Variants in ADAMTSL3 observed in about 807,000 individuals in gnomAD.
ADAMTSL3 encodes the protein ADAMTS-like protein 3.
A neutral mutation model predicts 201.7 loss-of-function variants in ADAMTSL3; 128 were observed. The observed-to-expected ratio is 0.63, with a 90% confidence interval of 0.55 to 0.73. The LOEUF (loss-of-function observed/expected upper bound fraction) is 0.73, where lower values mean the gene tolerates loss of function less well. Ranked by LOEUF, ADAMTSL3 falls within the 30% of genes least tolerant of loss-of-function variation. The pLI is 0.00. For missense variants in ADAMTSL3, 1,990 were observed against 2,119.6 expected (o/e 0.94, Z 1.20); for synonymous variants, 738 against 748.4 (o/e 0.99, Z 0.23).
At chr15:83,849,762 T>C (rs566317805) in intron 7 of ADAMTSL3, among the ~76,000 whole-genome samples, 1 of 152,280 alleles carries the variant, frequency 6.6e-6, no homozygotes, top group Admixed American at 6.5e-5. Flanking sequence ...TTTGTATCAG[T>C]GCAAGTAGAA....
chr15:83,786,990 A>G (rs1372293115), intron 4 of ADAMTSL3, among the ~76,000 whole-genome samples: 1 of 152,214 alleles, frequency 6.6e-6, no homozygotes, highest in Non-Finnish European at 1.5e-5. Context: ...TTATTGAAGG[A>G]GTAAATAAAT....
In ADAMTSL3 at chr15:84,016,385, C is replaced by T. The variant is rs1333944021; in HGVS notation, c.4159C>T (p.Arg1387Ter). The T allele has an allele frequency of 3.7e-6, 6 of 1,611,136 alleles. No individual in the cohort carries two copies. The highest frequency in any genetic ancestry group is 1.7e-5 in the Admixed American group (1 of 59,664). ...VATSVLHLLE[R>*]RWPESRIVFL... Reference sequence around the variant, plus strand: ...GTGCTACTTTTTTTTTTCCTCAGAACGAAGATGGCCAGAGAGTAGAATCGT... The same window carrying T: ...GTGCTACTTTTTTTTTTCCTCAGAATGAAGATGGCCAGAGAGTAGAATCGT... The change falls in exon 25 of 30, where the codon CGA (arginine) becomes TGA (stop). Residue 1387 changes from arginine to a stop codon, truncating the protein, a stop_gained and splice_region_variant. Coordinates refer to ENST00000286744, the MANE Select transcript of ADAMTSL3 (RefSeq NM_207517.3). LOFTEE classifies it high-confidence loss of function.
chr15:83,685,722 T>C (rs1172010667), intron 2 of ADAMTSL3, among the ~76,000 whole-genome samples: 1 of 152,190 alleles, frequency 6.6e-6, no homozygotes, highest in Non-Finnish European at 1.5e-5. Context: ...CAGAACCTCA[T>C]TTCTTTCCCT....
intron 2 of ADAMTSL3, among the ~76,000 whole-genome samples, chr15:83,703,664 G>A (rs941298486): frequency 6.6e-6 from 1 of 152,094 alleles, no homozygotes; most frequent in Non-Finnish European, 1.5e-5. Flanking sequence ...GGCCTCCCCA[G>A]CCACGTGGAA....
intron 8 of ADAMTSL3, among the ~76,000 whole-genome samples, chr15:83,860,773 A>C (rs535146382): frequency 3.3e-5 from 5 of 152,140 alleles, no homozygotes; most frequent in Non-Finnish European, 7.4e-5. Context: ...TGCATTTCCA[A>C]CTGAGGTACC....
At chr15:84,003,920 A>G (rs1366795386) in intron 23 of ADAMTSL3, among the ~76,000 whole-genome samples, 1 of 152,194 alleles carries the variant, frequency 6.6e-6, no homozygotes, top group Admixed American at 6.5e-5. Flanking sequence ...GCACCCACAC[A>G]GGGTGGGGAC....
At chr15:83,750,540 A>G (rs975604597) in intron 3 of ADAMTSL3, among the ~76,000 whole-genome samples, 2 of 145,112 alleles carry the variant, frequency 1.4e-5, no homozygotes, top group African/African-American at 5.1e-5. Flanking sequence ...TGGTTCACAG[A>G]CAGATTTTTG....
At position 83,749,564 on chromosome 15, in the gene ADAMTSL3, G is replaced by A. The variant is rs570060889; in HGVS notation, c.190-23959G>A. Reference sequence around the variant, plus strand: ...GGTGATGTTAGAGTGTTAGTAGGACGCAGGTGGAAGGTTCTAACTGCCCAG... The same window carrying A: ...GGTGATGTTAGAGTGTTAGTAGGACACAGGTGGAAGGTTCTAACTGCCCAG... On this transcript the variant is annotated intron_variant, in intron 3 of 29. Coordinates refer to ENST00000286744, the MANE Select transcript of ADAMTSL3 (RefSeq NM_207517.3). Among the ~76,000 whole-genome samples the A allele has an allele frequency of 4.6e-5, 7 of 152,302 alleles. No individual in the cohort carries two copies. In the South Asian group the frequency reaches 6.2e-4, roughly 14 times the overall value.
intron 4 of ADAMTSL3, among the ~76,000 whole-genome samples, chr15:83,776,991 G>T (rs1021615668): frequency 9.2e-5 from 14 of 152,188 alleles, no homozygotes; most frequent in African/African-American, 3.4e-4. Context: ...AGCCTTGGTG[G>T]GCACAGAGTC....
At chr15:83,945,557 A>G (rs1446407332) in intron 19 of ADAMTSL3, among the ~76,000 whole-genome samples, 1 of 152,172 alleles carries the variant, frequency 6.6e-6, no homozygotes, top group Non-Finnish European at 1.5e-5. Flanking sequence ...GCTAGTGTGT[A>G]GGCAGTATTT....
chr15:83,887,875 G>A (rs1349572961), intron 10 of ADAMTSL3, among the ~76,000 whole-genome samples: 1 of 152,186 alleles, frequency 6.6e-6, no homozygotes, highest in Non-Finnish European at 1.5e-5. Flanking sequence ...GCAGGCGTGT[G>A]CCACCATGCT....
chr15:83,658,374 G>C (rs928751898), intron 2 of ADAMTSL3, among the ~76,000 whole-genome samples: 1 of 152,210 alleles, frequency 6.6e-6, no homozygotes. Flanking sequence ...CTCCTAAAGT[G>C]CTGGGATTAC....
intron 5 of ADAMTSL3, among the ~76,000 whole-genome samples, chr15:83,807,477 T>A (rs1019826808): frequency 6.6e-6 from 1 of 151,908 alleles, no homozygotes; most frequent in Non-Finnish European, 1.5e-5. Flanking sequence ...ATCAAAACAG[T>A]AATGAAATAA....
At chr15:83,776,393 TAAAC>T (rs1471675593) in intron 4 of ADAMTSL3, among the ~76,000 whole-genome samples, 6 of 152,112 alleles carry the variant, frequency 3.9e-5, no homozygotes, top group African/African-American at 1.2e-4. Flanking sequence ...AGACAAACAA[TAAAC>T]AAACAATCAA....
At chr15:83,673,800 A>G (rs1419672701) in intron 2 of ADAMTSL3, among the ~76,000 whole-genome samples, 1 of 152,230 alleles carries the variant, frequency 6.6e-6, no homozygotes, top group Non-Finnish European at 1.5e-5. Context: ...ATCCCTGATA[A>G]GGTCAAGAAA....
Position 83,704,653 on chromosome 15 carries a change from G to T in ADAMTSL3, c.189+145G>T, listed in dbSNP as rs543086811. On this transcript the variant is annotated intron_variant, in intron 3 of 29. Coordinates refer to ENST00000286744, the MANE Select transcript of ADAMTSL3 (RefSeq NM_207517.3). ...CCCTTGACACCCTTGAAGGATCCCA[G>T]AATATGTGGATTGCCCATGTTTGCA... 119 of 1,081,434 alleles carry T rather than the reference G, an allele frequency of 1.1e-4. 1 individual carries two copies. The South Asian group carries it at 2.0e-3, about 18-fold the overall frequency. The allele number at this position is 1,081,434 out of a possible 1,614,324, so 67.0% of individuals were successfully genotyped here.
At chr15:83,773,731 T>C (rs1473233558) in intron 4 of ADAMTSL3, 81 bp downstream of exon 4, 3 of 1,493,360 alleles carry the variant, frequency 2.0e-6, no homozygotes, top group Admixed American at 2.3e-5. Context: ...TAACTTTATA[T>C]GGCTTTGGAA....
chr15:83,928,132 G>A (rs1172665230), intron 17 of ADAMTSL3, among the ~76,000 whole-genome samples: 1 of 151,944 alleles, frequency 6.6e-6, no homozygotes, highest in African/African-American at 2.4e-5. Context: ...TGAGCCATGT[G>A]CATCACTAAT....
At position 83,819,992 on chromosome 15, in the gene ADAMTSL3, A is replaced by T. The variant is rs113796480; in HGVS notation, c.545A>T (p.Asp182Val). The change falls in exon 6 of 30, where the codon GAT becomes GTT. Residue 182 changes from aspartate (D) to valine (V), a missense_variant. Physicochemically the swap from Asp to Val is radical, Grantham distance 152. Coordinates refer to ENST00000286744, the MANE Select transcript of ADAMTSL3 (RefSeq NM_207517.3). The stretch of plus-strand genomic sequence containing the variant: ...GTGGAGCTGGCACCTAAGGTACTGG[A>T]TGGAACTCGTTGCAACACGGACTCC... ...LVVELAPKVL[D>V]GTRCNTDSLD... is the part of the protein sequence containing the mutation. 4.3e-6 allele frequency: 7 copies of T among 1,614,050 alleles called. No homozygotes were observed. Among genetic ancestry groups the T allele is most frequent in the Non-Finnish European group, 5.9e-6 (7 of 1,180,036 alleles).
Sources: gnomAD v4.1 joint callset for allele counts (sites outside exome capture counted in the v4.1 genomes callset) on GRCh38, gnomAD v4.1.1 for gene constraint, MANE v1.5 for transcripts, NCBI Gene and HGNC (gene_info 2026-07-23, HGNC 2026-07-21) for gene names.